TRIO: variants seen among roughly 807,000 people sequenced by gnomAD.
TRIO encodes trio Rho guanine nucleotide exchange factor, also known as triple functional domain protein.
Under a neutral mutation model 351.9 loss-of-function variants are expected in TRIO, and 58 were observed. The observed-to-expected ratio is 0.16, with a 90% confidence interval of 0.13 to 0.21. The LOEUF (loss-of-function observed/expected upper bound fraction) is 0.21. Among genes scored for constraint, TRIO ranks in the 10% least tolerant of loss-of-function variants. The pLI, the probability that TRIO is intolerant of heterozygous loss-of-function variation, is 1.00. For synonymous variants in TRIO, 1,758 were observed against 1,595.7 expected (o/e 1.10, Z -2.42); for missense variants, 3,201 against 4,027.8 (o/e 0.79, Z 5.56).
intron 54 of TRIO, among the ~76,000 whole-genome samples, chr5:14,503,308 G>A (rs1757424258): frequency 6.6e-6 from 1 of 152,224 alleles, no homozygotes; most frequent in Admixed American, 6.5e-5. Flanking sequence ...AGCACCCTCT[G>A]GCATTCATTC....
rs192885101 is a variant in TRIO, at chr5:14,317,928, A to T, written c.1731+1185A>T. 5.1e-4 allele frequency among the ~76,000 whole-genome samples: 78 copies of T among 152,192 alleles called. No homozygotes were observed. The East Asian group carries it at 9.9e-3, about 19-fold the overall frequency. On this transcript the variant is annotated intron_variant, in intron 9 of 56. Coordinates refer to ENST00000344204, the MANE Select transcript of TRIO (RefSeq NM_007118.4). ...GATCACCTGAGGTCAGGAATTCGAGACGAGCCTGCCCAACATGGTGAAACC... is the reference window on the plus strand; with the variant it reads ...GATCACCTGAGGTCAGGAATTCGAGTCGAGCCTGCCCAACATGGTGAAACC...
chr5:14,175,217 G>T (rs562011726), intron 1 of TRIO, among the ~76,000 whole-genome samples: 3 of 152,096 alleles, frequency 2.0e-5, no homozygotes, highest in Non-Finnish European at 4.4e-5. Context: ...TCTCTTTATG[G>T]CTGTCAGGAT....
chr5:14,485,293 C>T (rs1288230568), intron 47 of TRIO, 47 bp downstream of exon 47: 2 of 1,513,374 alleles, frequency 1.3e-6, no homozygotes, highest in Non-Finnish European at 1.8e-6. Flanking sequence ...TCCTCGTGTA[C>T]TCACTTGTAT....
At chr5:14,464,389 A>G (rs2126516283) in intron 36 of TRIO, among the ~76,000 whole-genome samples, 1 of 152,234 alleles carries the variant, frequency 6.6e-6, no homozygotes, top group Non-Finnish European at 1.5e-5. Context: ...CTCGTTGAGT[A>G]TTATCAGTAG....
intron 37 of TRIO, among the ~76,000 whole-genome samples, chr5:14,469,671 C>T (rs942962448): frequency 2.0e-5 from 3 of 152,220 alleles, no homozygotes; most frequent in East Asian, 1.9e-4. Context: ...GCGATAAGGA[C>T]GTCTAGCCAC....
chr5:14,368,681 G>A, intron 16 of TRIO, 27 bp from the exon 17 acceptor site: 1 of 1,599,756 alleles, frequency 6.3e-7, no homozygotes, highest in Non-Finnish European at 8.6e-7. Context: ...TGACAAATAA[G>A]CCTTCCCTTT....
chr5:14,336,499 C>T (rs200825011), intron 10 of TRIO, 37 bp from the exon 11 acceptor site: 1 of 1,605,298 alleles, frequency 6.2e-7, no homozygotes, highest in South Asian at 1.1e-5. Context: ...CTGCTTTTCA[C>T]TTACCTTCTG....
intron 9 of TRIO, among the ~76,000 whole-genome samples, chr5:14,330,311 T>C (rs1343839048): frequency 6.6e-6 from 1 of 152,214 alleles, no homozygotes; most frequent in Admixed American, 6.5e-5. Context: ...TTCATGTGTT[T>C]GAGTCTTCTA....
rs539918668 is a variant in TRIO at position 14,209,642 on chromosome 5, G to T, written c.158-61183G>T. 2.6e-5 allele frequency among the ~76,000 whole-genome samples: 4 copies of T among 152,300 alleles called. No individual in the cohort carries two copies. In the East Asian group the frequency reaches 7.7e-4, roughly 29 times the overall value. ...GCTGCCACAGACACCCTGTTAGCTG[G>T]ATCTCTCGAGCAGCGGTTGTTAGTT... is the stretch of plus-strand genomic sequence containing the variant. On this transcript the variant is annotated intron_variant, in intron 1 of 56. Transcript: ENST00000344204.
chr5:14,216,431 G>T (rs569932977), intron 1 of TRIO, among the ~76,000 whole-genome samples: 1 of 152,308 alleles, frequency 6.6e-6, no homozygotes, highest in South Asian at 2.1e-4. Flanking sequence ...CAACAAGGTG[G>T]TTTTTCTCTT....
chr5:14,306,819 G>T (rs1192376504), intron 8 of TRIO, among the ~76,000 whole-genome samples: 1 of 152,116 alleles, frequency 6.6e-6, no homozygotes, highest in Admixed American at 6.5e-5. Flanking sequence ...TCTCCTAATT[G>T]TTACCAGTGC....
At chr5:14,276,210 G>C (rs910981750) in intron 2 of TRIO, among the ~76,000 whole-genome samples, 4 of 152,224 alleles carry the variant, frequency 2.6e-5, no homozygotes, top group Non-Finnish European at 4.4e-5. Context: ...TTCCCCGGAA[G>C]AGAAGGGGAA....
intron 1 of TRIO, among the ~76,000 whole-genome samples, chr5:14,199,690 T>C (rs1790988650): frequency 6.6e-6 from 1 of 152,070 alleles, no homozygotes; most frequent in Admixed American, 6.6e-5. Context: ...CCCCCTCCCC[T>C]TTTATCCTAA....
At position 14,479,323 on chromosome 5, in the gene TRIO, C is replaced by A; in HGVS notation, c.6216C>A (p.Val2072=). 6.2e-7 allele frequency: 1 copy of A among 1,613,682 alleles called. No homozygotes were observed. Among genetic ancestry groups the A allele is most frequent in the South Asian group, 1.1e-5 (1 of 90,948 alleles). Reference sequence around the variant, plus strand: ...ATAAACCAAAGTCTGAGCACATTGTCTCAGAATACATTGATACCTTTTTTG... The same window carrying A: ...ATAAACCAAAGTCTGAGCACATTGTATCAGAATACATTGATACCTTTTTTG... The part of the protein sequence containing the change: ...CQNKPKSEHI[V]SEYIDTFFED... The change falls in exon 42 of 57, where the codon GTC becomes GTA. Residue 2072 remains valine (V), a synonymous_variant. Transcript: ENST00000344204.
chr5:14,461,433 T>C (rs1753802727), intron 35 of TRIO, 122 bp downstream of exon 35: 2 of 1,321,600 alleles, frequency 1.5e-6, no homozygotes, highest in South Asian at 1.7e-5. Context: ...TACTCAGAAA[T>C]TACCATTCAA....
intron 41 of TRIO, 195 bp downstream of exon 41, chr5:14,477,158 G>A: frequency 1.8e-6 from 1 of 541,498 alleles, no homozygotes; most frequent in Non-Finnish European, 3.2e-6. Flanking sequence ...CAGTCACCTG[G>A]CTGAAGCTGG....
chr5:14,373,165 G>C (rs537764151), intron 18 of TRIO, among the ~76,000 whole-genome samples: 2 of 152,298 alleles, frequency 1.3e-5, no homozygotes, highest in Admixed American at 1.3e-4. Context: ...CCTCCCACGA[G>C]GTTTCTACCG....
chr5:14,245,823 C>T (rs1046590869), intron 1 of TRIO, among the ~76,000 whole-genome samples: 24 of 152,212 alleles, frequency 1.6e-4, no homozygotes, highest in African/African-American at 5.3e-4. Flanking sequence ...CCATTTCCGG[C>T]CAGGAATTTG....
chr5:14,468,249 A>G, intron 37 of TRIO, among the ~76,000 whole-genome samples: 1 of 152,248 alleles, frequency 6.6e-6, no homozygotes, highest in East Asian at 1.9e-4. Context: ...AGTGAAACTG[A>G]GTTGTTTCTG....
Sources: allele counts gnomAD v4.1 joint callset (sites outside exome capture counted in the v4.1 genomes callset), GRCh38; gene constraint gnomAD v4.1.1; transcripts MANE v1.5; gene names NCBI Gene and HGNC (gene_info 2026-07-23, HGNC 2026-07-21).